The following MDGA2 variants were observed in gnomAD, a reference collection of about 807,000 sequenced individuals.
The protein encoded by MDGA2 is MAM domain-containing glycosylphosphatidylinositol anchor protein 2.
A neutral mutation model predicts 117.8 loss-of-function variants in MDGA2; 40 were observed. The observed-to-expected ratio is 0.34, with a 90% CI of 0.26 to 0.44. MDGA2 has a LOEUF of 0.44. Ranked by LOEUF, MDGA2 falls within the 20% of genes least tolerant of loss-of-function variation. The pLI is 1.00. For synonymous variants in MDGA2, 452 were observed against 439.0 expected (o/e 1.03, Z -0.37); for missense variants, 1,123 against 1,250.6 (o/e 0.90, Z 1.54).
At chr14:46,878,343 A>G (rs1321189105) in intron 11 of MDGA2, among the ~76,000 whole-genome samples, 1 of 152,040 alleles carries the variant, frequency 6.6e-6, no homozygotes, top group Non-Finnish European at 1.5e-5. Flanking sequence ...GAAGGACAGC[A>G]TTGATGTAAT....
At chr14:47,064,935 A>G (rs1330167006) in intron 6 of MDGA2, among the ~76,000 whole-genome samples, 2 of 152,116 alleles carry the variant, frequency 1.3e-5, no homozygotes, top group Non-Finnish European at 2.9e-5. Context: ...CAATAGACTT[A>G]TTGAGACTCT....
At chr14:47,476,166 A>C (rs1203347277) in intron 1 of MDGA2, among the ~76,000 whole-genome samples, 2 of 152,220 alleles carry the variant, frequency 1.3e-5, no homozygotes, top group Admixed American at 6.5e-5. Flanking sequence ...AAATTATCAA[A>C]AGTATAACAA....
In MDGA2 at chr14:47,278,151, T is replaced by A. The variant is rs144792802; in HGVS notation, c.420+23260A>T. On this transcript the variant is annotated intron_variant, in intron 2 of 16. Transcript: ENST00000399232. ...GAAGAGTCAAGATAAATAAATAAAT[T>A]AATTAAATAAAAATAAACGAATGAA... 8.8e-4 allele frequency among the ~76,000 whole-genome samples: 133 copies of A among 151,820 alleles called. 1 individual carries two copies. The East Asian group carries it at 0.012, about 14-fold the overall frequency.
intron 2 of MDGA2, among the ~76,000 whole-genome samples, chr14:47,291,474 C>T (rs1434741834): frequency 6.7e-6 from 1 of 150,342 alleles, no homozygotes; most frequent in African/African-American, 2.4e-5. Context: ...GGGGTTATCT[C>T]CTGATAACCC....
At chr14:47,478,840 A>C (rs1378235862) in intron 1 of MDGA2, among the ~76,000 whole-genome samples, 1 of 152,216 alleles carries the variant, frequency 6.6e-6, no homozygotes, top group African/African-American at 2.4e-5. Flanking sequence ...GATGAGTGAA[A>C]GACATGGCTT....
intron 2 of MDGA2, among the ~76,000 whole-genome samples, chr14:47,284,236 TAGAGA>T (rs1888595585): frequency 6.6e-6 from 1 of 152,208 alleles, no homozygotes; most frequent in African/African-American, 2.4e-5. Context: ...GAATTTGGAA[TAGAGA>T]CATGCAAAGT....
chr14:47,305,144 C>T (rs1889401209), intron 1 of MDGA2: 1 of 152,172 alleles, frequency 6.6e-6, no homozygotes, highest in East Asian at 1.9e-4. Context: ...ACTATAATGA[C>T]ATCAACTTCT....
intron 1 of MDGA2, among the ~76,000 whole-genome samples, chr14:47,318,797 G>T (rs187294965): frequency 6.8e-6 from 1 of 147,060 alleles, no homozygotes; most frequent in Non-Finnish European, 1.5e-5. Flanking sequence ...GGGGAGGGGG[G>T]AAAGGGAGGA....
intron 8 of MDGA2, among the ~76,000 whole-genome samples, chr14:46,969,327 T>G (rs769308609): frequency 1.3e-5 from 2 of 152,196 alleles, no homozygotes; most frequent in Non-Finnish European, 2.9e-5. Context: ...ATCGCCACAC[T>G]GACTTCCACA....
chr14:47,597,955 T>C (rs979216047), intron 1 of MDGA2, among the ~76,000 whole-genome samples: 2 of 151,578 alleles, frequency 1.3e-5, no homozygotes, highest in Non-Finnish European at 2.9e-5. Flanking sequence ...GATTAAGACA[T>C]TGAGCGTGCG....
At chr14:47,498,779 A>G (rs1203510481) in intron 1 of MDGA2, among the ~76,000 whole-genome samples, 1 of 152,208 alleles carries the variant, frequency 6.6e-6, no homozygotes, top group East Asian at 1.9e-4. Flanking sequence ...TCTTGCACTG[A>G]AAAGGAAAAG....
chr14:47,122,229 T>A (rs1881689193), intron 5 of MDGA2, among the ~76,000 whole-genome samples: 1 of 152,068 alleles, frequency 6.6e-6, no homozygotes, highest in Non-Finnish European at 1.5e-5. Context: ...AAGGAATTGA[T>A]CATACTACTC....
chr14:46,964,935 T>TGAGAA (rs1440346754), intron 8 of MDGA2, among the ~76,000 whole-genome samples: 3 of 125,228 alleles, frequency 2.4e-5, no homozygotes, highest in African/African-American at 7.4e-5. Flanking sequence ...TTTTTTTTTT[T>TGAGAA]TTTTTTGAGA....
intron 14 of MDGA2, among the ~76,000 whole-genome samples, chr14:46,863,813 C>T (rs771061837): frequency 2.6e-5 from 4 of 151,970 alleles, no homozygotes; most frequent in Non-Finnish European, 5.9e-5. Flanking sequence ...GTGGTTCAAA[C>T]CTGGATTCTA....
At position 46,939,990 on chromosome 14, in the gene MDGA2, C is replaced by G. The variant is rs139804039; in HGVS notation, c.2089+17384G>C. Among the ~76,000 whole-genome samples the G allele has an allele frequency of 2.9e-3, 442 of 152,266 alleles. 2 individuals carry two copies. Among genetic ancestry groups the G allele is most frequent in the Non-Finnish European group, 5.1e-3 (348 of 68,016 alleles). On this transcript the variant is annotated intron_variant, in intron 9 of 16. Coordinates refer to ENST00000399232, the MANE Select transcript of MDGA2 (RefSeq NM_001113498.3). ...TCTTACCCTGGTATAGGAACTACAT[C>G]TACTTCAAGAAAGGAGCTTTTCTCT...
intron 10 of MDGA2, among the ~76,000 whole-genome samples, chr14:46,915,776 A>G (rs933582323): frequency 1.1e-4 from 17 of 152,174 alleles, no homozygotes; most frequent in Non-Finnish European, 1.8e-4. Flanking sequence ...TGCGGGGGAC[A>G]TGTGGACTAG....
At chr14:47,397,453 G>A (rs112061505) in intron 1 of MDGA2, among the ~76,000 whole-genome samples, 16,558 of 151,674 alleles carry the variant, frequency 0.11, 1,114 homozygotes, top group Non-Finnish European at 0.13. Flanking sequence ...CGTTCTGCAC[G>A]TGTATCCCAG....
chr14:47,449,928 AT>A (rs1174149600), intron 1 of MDGA2, among the ~76,000 whole-genome samples: 1 of 151,662 alleles, frequency 6.6e-6, no homozygotes, highest in Admixed American at 6.6e-5. Flanking sequence ...AAATTGTTTC[AT>A]TTTTTTTGCA....
chr14:47,223,814 G>A lies in MDGA2; in HGVS notation c.421-5619C>T, dbSNP rs552074729. On this transcript the variant is annotated intron_variant, in intron 2 of 16. Coordinates refer to ENST00000399232, the MANE Select transcript of MDGA2 (RefSeq NM_001113498.3). ...GTTTAACTGACTCACAGTTCTACAT[G>A]GCTGAGGAAGCCTCAAGAAAATTAC... Among the ~76,000 whole-genome samples, 3 of 152,252 alleles carry A rather than the reference G, an allele frequency of 2.0e-5. No homozygotes were observed. The South Asian group carries it at 6.2e-4, about 32-fold the overall frequency.
Sources: allele counts gnomAD v4.1 joint callset (sites outside exome capture counted in the v4.1 genomes callset), GRCh38; gene constraint gnomAD v4.1.1; transcripts MANE v1.5; gene names NCBI Gene and HGNC (gene_info 2026-07-23, HGNC 2026-07-21).